H1-10: variants seen among roughly 807,000 people sequenced by gnomAD.
H1-10 encodes histone H1.10.
For missense variants in H1-10, 307 were observed against 297.9 expected, an observed-to-expected ratio of 1.03 and a Z score of -0.22; for synonymous variants, 191 against 140.9, an observed-to-expected ratio of 1.36 and a Z score of -2.52.
chr3:129,315,456 CG>C lies in H1-10; in HGVS notation c.446del (p.Pro149ArgfsTer49). ...PTAHKAKKAA[P>X]GAAGSRRADK... ...CCGCGCGCCGGGAGCCGGCCGCGCC[CG>C]GGGCTGCCTTCTTCGCTTTGTGCGC... On this transcript the variant is annotated frameshift_variant, in exon 1 of 1. Transcript: ENST00000333762. LOFTEE classifies it low-confidence loss of function (END_TRUNC). 6.8e-7 allele frequency: 1 copy of C among 1,464,868 alleles called. No homozygotes were observed. The highest frequency in any genetic ancestry group is 9.0e-7 in the Non-Finnish European group (1 of 1,115,598). The allele number at this position is 1,464,868 out of a possible 1,614,324, so 90.7% of individuals were successfully genotyped here.
rs780804329 is a variant in H1-10, at chr3:129,315,388, T to G, written c.515A>C (p.His172Pro). 3.9e-6 allele frequency: 6 copies of G among 1,540,508 alleles called. No homozygotes were observed. The highest frequency in any genetic ancestry group is 4.3e-6 in the Non-Finnish European group (5 of 1,149,842). Residue 172 changes from histidine (H) to proline (P), a missense_variant, in exon 1 of 1, where the codon CAC becomes CCC. Physicochemically the swap from His to Pro is moderately conservative, Grantham distance 77. Coordinates refer to ENST00000333762, the MANE Select transcript of H1-10 (RefSeq NM_006026.4). ...ARGQKPEQRS[H>P]KKGAGAKKDK... ...CTTCTTGGCGCCAGCGCCCTTCTTG[T>G]GCGAGCGCTGCTCCGGCTTCTGGCC...
At position 129,315,297 on chromosome 3, in the gene H1-10, C is replaced by T. The variant is rs1344504265; in HGVS notation, c.606G>A (p.Lys202=). ...AGGKKVKKAA[K]PSVPKVPKGR... The stretch of plus-strand genomic sequence containing the variant: ...CCTTGGGCACTTTGGGGACGCTGGG[C>T]TTGGCCGCCTTCTTCACCTTCTTGC... The change falls in exon 1 of 1, where the codon AAG becomes AAA. Residue 202 remains lysine, a synonymous_variant. Transcript: ENST00000333762. 2 of 1,482,204 alleles carry T rather than the reference C, an allele frequency of 1.3e-6. No homozygotes were observed. The highest frequency in any genetic ancestry group is 1.3e-5 in the South Asian group (1 of 75,480). The allele number at this position is 1,482,204 out of a possible 1,614,324, so 91.8% of individuals were successfully genotyped here.
In H1-10 at chr3:129,315,329, C is replaced by A. The variant is rs769229378; in HGVS notation, c.574G>T (p.Ala192Ser). The A allele has an allele frequency of 6.6e-7, 1 of 1,514,830 alleles. No homozygotes were observed. Among genetic ancestry groups the A allele is most frequent in the Non-Finnish European group, 8.8e-7 (1 of 1,135,350 alleles). 93.8% of individuals were successfully genotyped at this position (1,514,830 alleles called of 1,614,324 possible). The change falls in exon 1 of 1, where the codon GCC (alanine) becomes TCC (serine). Residue 192 changes from alanine (A) to serine (S), a missense_variant. Ala to Ser is a moderately conservative substitution (Grantham distance 99). Coordinates refer to ENST00000333762, the MANE Select transcript of H1-10 (RefSeq NM_006026.4). ...KGGKAKKTAA[A>S]GGKKVKKAAK... ...GCCTTCTTCACCTTCTTGCCCCCGG[C>A]GGCCGCCGTCTTCTTGGCCTTGCCG...
Position 129,315,162 on chromosome 3 carries a change from G to T in H1-10, c.*99C>A. The T allele has an allele frequency of 9.0e-7, 1 of 1,105,778 alleles. No individual in the cohort carries two copies. Among genetic ancestry groups the T allele is most frequent in the Non-Finnish European group, 1.2e-6 (1 of 867,686 alleles). 68.5% of individuals were successfully genotyped at this position (1,105,778 alleles called of 1,614,324 possible). Reference sequence around the variant, plus strand: ...CCTGAGGCTCAGACCAGGCCTCGCGGCCCCGGCCGGCGTGAGCCGTACAAA... The same window carrying T: ...CCTGAGGCTCAGACCAGGCCTCGCGTCCCCGGCCGGCGTGAGCCGTACAAA... On this transcript the variant is annotated 3_prime_UTR_variant, in exon 1 of 1. Coordinates refer to ENST00000333762, the MANE Select transcript of H1-10 (RefSeq NM_006026.4).
Position 129,315,224 on chromosome 3 carries a change from A to G in H1-10, c.*37T>C. 7.7e-7 allele frequency: 1 copy of G among 1,306,900 alleles called. No homozygotes were observed. The highest frequency in any genetic ancestry group is 1.5e-5 in the African/African-American group (1 of 65,654). The allele number at this position is 1,306,900 out of a possible 1,614,324, so 81.0% of individuals were successfully genotyped here. On this transcript the variant is annotated 3_prime_UTR_variant, in exon 1 of 1. Coordinates refer to ENST00000333762, the MANE Select transcript of H1-10 (RefSeq NM_006026.4). ...TTGGGGTAGAAAAACAAAAACACCG[A>G]AAAGCCCACGCCGGCCGCTCTGACC...
In H1-10 at chr3:129,315,805, G is replaced by T; in HGVS notation, c.98C>A (p.Ser33Tyr). 8.7e-6 allele frequency: 14 copies of T among 1,604,700 alleles called. No individual in the cohort carries two copies. The highest frequency in any genetic ancestry group is 1.2e-5 in the Non-Finnish European group (14 of 1,176,390). ...CTTCTTGCTATTCTTCCTCTTCTTA[G>T]ATGGGGACAACGCCGCCGAGCCGCC... ...KAGGSAALSPSKKRKNSKKKN... is the reference protein window; with the variant it reads ...KAGGSAALSPYKKRKNSKKKN... The change falls in exon 1 of 1, where the codon TCT (serine) becomes TAT (tyrosine). Residue 33 changes from serine to tyrosine, a missense_variant. Physicochemically the swap from Ser to Tyr is moderately radical, Grantham distance 144. Coordinates refer to ENST00000333762, the MANE Select transcript of H1-10 (RefSeq NM_006026.4).
rs950120630 is a variant in H1-10 at position 129,315,304 on chromosome 3, G to GCCTTCTTCA, written c.590_598dup (p.Val197_Lys199dup). The GCCTTCTTCA allele has an allele frequency of 1.0e-5, 15 of 1,485,790 alleles. No individual in the cohort carries two copies. The highest frequency in any genetic ancestry group is 2.9e-5 in the African/African-American group (2 of 69,190). The allele number at this position is 1,485,790 out of a possible 1,614,324, so 92.0% of individuals were successfully genotyped here. A position where few individuals can be genotyped will look rare whatever the true frequency, so the allele number is the denominator to read the frequency against. On this transcript the variant is annotated inframe_insertion, in exon 1 of 1. Coordinates refer to ENST00000333762, the MANE Select transcript of H1-10 (RefSeq NM_006026.4). ...CACTTTGGGGACGCTGGGCTTGGCC[G>GCCTTCTTCA]CCTTCTTCACCTTCTTGCCCCCGGC...
chr3:129,315,476 T>G lies in H1-10; in HGVS notation c.427A>C (p.Lys143Gln). The change falls in exon 1 of 1, where the codon AAA (lysine) becomes CAA (glutamine). Residue 143 changes from lysine (K) to glutamine (Q), a missense_variant. By Grantham distance (53) the Lys-to-Gln change is moderately conservative. Transcript: ENST00000333762. Reference protein sequence around the residue: ...AATAPAPTAHKAKKAAPGAAG... With the variant: ...AATAPAPTAHQAKKAAPGAAG... ...GCGCCCGGGGCTGCCTTCTTCGCTT[T>G]GTGCGCGGTGGGGGCCGGGGCGGTG... 6.7e-7 allele frequency: 1 copy of G among 1,500,286 alleles called. No individual in the cohort carries two copies. The highest frequency in any genetic ancestry group is 1.3e-5 in the South Asian group (1 of 79,656). The allele number at this position is 1,500,286 out of a possible 1,614,324, so 92.9% of individuals were successfully genotyped here.
rs1054319491 is a variant in H1-10, at chr3:129,315,048, G to A, written c.*213C>T. 1 of 386,086 alleles carries A rather than the reference G, an allele frequency of 2.6e-6. No homozygotes were observed. The allele number at this position is 386,086 out of a possible 1,614,324, so 23.9% of individuals were successfully genotyped here. A position where few individuals can be genotyped will look rare whatever the true frequency, so the allele number is the denominator to read the frequency against. On this transcript the variant is annotated 3_prime_UTR_variant, in exon 1 of 1. Coordinates refer to ENST00000333762, the MANE Select transcript of H1-10 (RefSeq NM_006026.4). ...AAGGCCGAGAGCCAATAGAGGCGTC[G>A]CCGGGGCTGTTTCAAAAACCTAAAG...
rs2071289106 is a variant in H1-10 at position 129,315,171 on chromosome 3, G to T, written c.*90C>A. On this transcript the variant is annotated 3_prime_UTR_variant, in exon 1 of 1. Coordinates refer to ENST00000333762, the MANE Select transcript of H1-10 (RefSeq NM_006026.4). Reference sequence around the variant, plus strand: ...CAGACCAGGCCTCGCGGCCCCGGCCGGCGTGAGCCGTACAAAATCTACGTC... The same window carrying T: ...CAGACCAGGCCTCGCGGCCCCGGCCTGCGTGAGCCGTACAAAATCTACGTC... The T allele has an allele frequency of 8.5e-7, 1 of 1,172,564 alleles. No individual in the cohort carries two copies. The highest frequency in any genetic ancestry group is 1.1e-6 in the Non-Finnish European group (1 of 925,932). 72.6% of individuals were successfully genotyped at this position (1,172,564 alleles called of 1,614,324 possible).
In H1-10 at chr3:129,315,934, C is replaced by G; in HGVS notation, c.-32G>C. ...AAGAGGATTGGTGGCGGGCGGCGCGCGGAAGCCGGGGGGCCGCGCCGGGAA... is the reference window on the plus strand; with the variant it reads ...AAGAGGATTGGTGGCGGGCGGCGCGGGGAAGCCGGGGGGCCGCGCCGGGAA... On this transcript the variant is annotated 5_prime_UTR_variant, in exon 1 of 1. Coordinates refer to ENST00000333762, the MANE Select transcript of H1-10 (RefSeq NM_006026.4). 5.4e-6 allele frequency: 7 copies of G among 1,294,738 alleles called. No individual in the cohort carries two copies. The highest frequency in any genetic ancestry group is 7.1e-6 in the Non-Finnish European group (7 of 989,326). The allele number at this position is 1,294,738 out of a possible 1,614,324, so 80.2% of individuals were successfully genotyped here.
At position 129,315,920 on chromosome 3, in the gene H1-10, T is replaced by G. The variant is rs1577002139; in HGVS notation, c.-18A>C. On this transcript the variant is annotated 5_prime_UTR_variant, in exon 1 of 1. Coordinates refer to ENST00000333762, the MANE Select transcript of H1-10 (RefSeq NM_006026.4). ...ACGGACATGGTAGCAAGAGGATTGG[T>G]GGCGGGCGGCGCGCGGAAGCCGGGG... 1 of 1,265,066 alleles carries G rather than the reference T, an allele frequency of 7.9e-7. No individual in the cohort carries two copies. 78.4% of individuals were successfully genotyped at this position (1,265,066 alleles called of 1,614,324 possible).
Position 129,315,366 on chromosome 3 carries a change from C to T in H1-10, c.537G>A (p.Lys179=), listed in dbSNP as rs752364970. The part of the protein sequence containing the change: ...QRSHKKGAGA[K]KDKGGKAKKT... ...TCTTGGCCTTGCCGCCTTTGTCCTT[C>T]TTGGCGCCAGCGCCCTTCTTGTGCG... The change falls in exon 1 of 1, where the codon AAG becomes AAA. Residue 179 remains lysine, a synonymous_variant. Coordinates refer to ENST00000333762, the MANE Select transcript of H1-10 (RefSeq NM_006026.4). The T allele has an allele frequency of 1.9e-6, 3 of 1,547,262 alleles. No individual in the cohort carries two copies. The highest frequency in any genetic ancestry group is 1.8e-5 in the Admixed American group (1 of 55,188).
chr3:129,315,136 C>A lies in H1-10; in HGVS notation c.*125G>T. On this transcript the variant is annotated 3_prime_UTR_variant, in exon 1 of 1. Transcript: ENST00000333762. ...AAGACTGAGAGGACCCGGGGCCCCT[C>A]CCTGAGGCTCAGACCAGGCCTCGCG... 1.2e-6 allele frequency: 1 copy of A among 810,384 alleles called. No individual in the cohort carries two copies. Among genetic ancestry groups the A allele is most frequent in the Non-Finnish European group, 1.7e-6 (1 of 601,228 alleles). The allele number at this position is 810,384 out of a possible 1,614,324, so 50.2% of individuals were successfully genotyped here.
rs956836538 is a variant in H1-10, at chr3:129,315,501, G to A, written c.402C>T (p.Ala134=). 3.3e-6 allele frequency: 5 copies of A among 1,530,524 alleles called. No individual in the cohort carries two copies. The African/African-American group carries it at 5.5e-5, about 17-fold the overall frequency. The allele number at this position is 1,530,524 out of a possible 1,614,324, so 94.8% of individuals were successfully genotyped here. A position where few individuals can be genotyped will look rare whatever the true frequency, so the allele number is the denominator to read the frequency against. ...GGERRGAPAA[A]TAPAPTAHKA... is the part of the protein sequence containing the mutation. ...TGTGCGCGGTGGGGGCCGGGGCGGT[G>A]GCGGCCGCCGGGGCTCCGCGCCGCT... The change falls in exon 1 of 1, where the codon GCC becomes GCT. Residue 134 remains alanine, a synonymous_variant. Coordinates refer to ENST00000333762, the MANE Select transcript of H1-10 (RefSeq NM_006026.4).
rs553416790 is a variant in H1-10, at chr3:129,315,032, A to C, written c.*229T>G. 4.5e-5 allele frequency: 16 copies of C among 357,882 alleles called. No individual in the cohort carries two copies. The South Asian group carries it at 2.4e-3, about 53-fold the overall frequency. 22.2% of individuals were successfully genotyped at this position (357,882 alleles called of 1,614,324 possible). ...GACGACGGCCGTTGCCAAGGCCGAGAGCCAATAGAGGCGTCGCCGGGGCTG... is the reference window on the plus strand; with the variant it reads ...GACGACGGCCGTTGCCAAGGCCGAGCGCCAATAGAGGCGTCGCCGGGGCTG... On this transcript the variant is annotated 3_prime_UTR_variant, in exon 1 of 1. Coordinates refer to ENST00000333762, the MANE Select transcript of H1-10 (RefSeq NM_006026.4).
chr3:129,314,820 AG>A lies in H1-10; in HGVS notation c.*440del, dbSNP rs1381037665. The A allele has an allele frequency of 6.4e-6, 1 of 155,224 alleles. No homozygotes were observed. Among genetic ancestry groups the A allele is most frequent in the Non-Finnish European group, 1.4e-5 (1 of 70,272 alleles). The allele number at this position is 155,224 out of a possible 1,614,324, so 9.6% of individuals were successfully genotyped here. A position where few individuals can be genotyped will look rare whatever the true frequency, so the allele number is the denominator to read the frequency against. ...GCCCAAAAAAAGGCCCATGGAATGA[AG>A]GGAAGAGCCGCGCAGCCCTGAGCCC... On this transcript the variant is annotated 3_prime_UTR_variant, in exon 1 of 1. Coordinates refer to ENST00000333762, the MANE Select transcript of H1-10 (RefSeq NM_006026.4).
At position 129,315,799 on chromosome 3, in the gene H1-10, T is replaced by C. The variant is rs760325269; in HGVS notation, c.104A>G (p.Lys35Arg). The change falls in exon 1 of 1, where the codon AAG becomes AGG. Residue 35 changes from lysine to arginine, a missense_variant. Transcript: ENST00000333762. ...GGSAALSPSK[K>R]RKNSKKKNQP... ...GTTCTTCTTCTTGCTATTCTTCCTC[T>C]TCTTAGATGGGGACAACGCCGCCGA... The C allele has an allele frequency of 8.1e-6, 13 of 1,604,886 alleles. No individual in the cohort carries two copies. In the South Asian group the frequency reaches 9.0e-5, roughly 11 times the overall value.
At position 129,315,466 on chromosome 3, in the gene H1-10, T is replaced by G. The variant is rs1430064701; in HGVS notation, c.437A>C (p.Lys146Thr). The G allele has an allele frequency of 2.6e-6, 4 of 1,510,992 alleles. No individual in the cohort carries two copies. Among genetic ancestry groups the G allele is most frequent in the East Asian group, 5.1e-5 (2 of 38,990 alleles). 93.6% of individuals were successfully genotyped at this position (1,510,992 alleles called of 1,614,324 possible). A position where few individuals can be genotyped will look rare whatever the true frequency, so the allele number is the denominator to read the frequency against. ...GGAGCCGGCCGCGCCCGGGGCTGCC[T>G]TCTTCGCTTTGTGCGCGGTGGGGGC... is the stretch of plus-strand genomic sequence containing the variant. ...APAPTAHKAK[K>T]AAPGAAGSRR... The change falls in exon 1 of 1, where the codon AAG (lysine) becomes ACG (threonine). Residue 146 changes from lysine to threonine, a missense_variant. Physicochemically the swap from Lys to Thr is moderately conservative, Grantham distance 78. Coordinates refer to ENST00000333762, the MANE Select transcript of H1-10 (RefSeq NM_006026.4).
Sources: gnomAD v4.1 joint callset for allele counts on GRCh38, gnomAD v4.1.1 for gene constraint, MANE v1.5 for transcripts, NCBI Gene and HGNC (gene_info 2026-07-23, HGNC 2026-07-21) for gene names.